The following CNTNAP5 variants were observed in gnomAD, a reference collection of about 807,000 sequenced individuals.
CNTNAP5 encodes contactin-associated protein-like 5.
CNTNAP5 carries 72 observed loss-of-function variants against 150.2 expected under a neutral mutation model. The ratio of observed to expected loss-of-function variants is 0.48; its 90% CI spans 0.40 to 0.58. CNTNAP5 has a LOEUF of 0.58. Ranked by LOEUF, CNTNAP5 falls within the 20% of genes least tolerant of loss-of-function variation. CNTNAP5 has a pLI of 0.00. For synonymous variants in CNTNAP5, 672 were observed against 619.8 expected (o/e 1.08, Z -1.25); for missense variants, 1,636 against 1,626.2 (o/e 1.01, Z -0.10).
In CNTNAP5 at chr2:124,920,587, A is replaced by G. The variant is rs1349945961; in HGVS notation, c.*6299A>G. ...AAGACCAAGAATTTTCTCTTTCTGA[A>G]TCTGGCAGTTGACAGGCCTCCTGAT... On this transcript the variant is annotated 3_prime_UTR_variant, in exon 24 of 24. Coordinates refer to ENST00000682447, the MANE Select transcript of CNTNAP5 (RefSeq NM_001367498.1). Among the ~76,000 whole-genome samples, 2 of 152,124 alleles carry G rather than the reference A, an allele frequency of 1.3e-5. No homozygotes were observed. The highest frequency in any genetic ancestry group is 4.8e-5 in the African/African-American group (2 of 41,458).
intron 13 of CNTNAP5, among the ~76,000 whole-genome samples, chr2:124,689,126 C>A (rs529108004): frequency 6.6e-6 from 1 of 152,070 alleles, no homozygotes; most frequent in Non-Finnish European, 1.5e-5. Context: ...ACTTTGCATG[C>A]CACCACGCCC....
chr2:124,434,517 C>A lies in CNTNAP5; in HGVS notation c.563C>A (p.Ser188Ter), dbSNP rs1251966994. 3 of 1,613,782 alleles carry A rather than the reference C, an allele frequency of 1.9e-6. No individual in the cohort carries two copies. The highest frequency in any genetic ancestry group is 2.5e-6 in the Non-Finnish European group (3 of 1,179,808). The change falls in exon 5 of 24, where the codon TCA (serine) becomes TAA (stop). Residue 188 changes from serine (S) to a stop codon, truncating the protein, a stop_gained. Coordinates refer to ENST00000682447, the MANE Select transcript of CNTNAP5 (RefSeq NM_001367498.1). LOFTEE classifies it high-confidence loss of function. ...SDVADFDGRS[S>*]LLYRFNQKLM... ...GTTGCTGACTTTGATGGCCGAAGCT[C>A]ACTTCTGTACAGGTTCAATCAGAAG... is the stretch of plus-strand genomic sequence containing the variant.
intron 18 of CNTNAP5, among the ~76,000 whole-genome samples, chr2:124,792,451 A>G (rs182175606): frequency 2.6e-4 from 39 of 152,288 alleles, no homozygotes; most frequent in African/African-American, 8.2e-4. Flanking sequence ...CTATACATGA[A>G]CATGGTAATA....
At chr2:124,434,834 A>G (rs1573993137) in intron 5 of CNTNAP5, 147 bp downstream of exon 5, 8 of 672,276 alleles carry the variant, frequency 1.2e-5, no homozygotes, top group South Asian at 7.8e-5. Context: ...TGTTTAAGGC[A>G]TGTATAGCAT....
chr2:124,364,316 A>T (rs1430265), intron 3 of CNTNAP5, among the ~76,000 whole-genome samples: 91,445 of 151,798 alleles, frequency 0.6, 28,225 homozygotes, highest in African/African-American at 0.73. Context: ...CCCCCCTTTT[A>T]TTTCCAGACC....
At chr2:124,419,147 A>AAAAAAAAAAAAAAAAAT in intron 4 of CNTNAP5, among the ~76,000 whole-genome samples, 1 of 135,754 alleles carries the variant, frequency 7.4e-6, no homozygotes, top group Non-Finnish European at 1.5e-5. Context: ...TCTCAAAAAA[A>AAAAAAAAAAAAAAAAAT]AAAAAAAAAA....
chr2:124,885,849 TA>T (rs1172752737), intron 21 of CNTNAP5, among the ~76,000 whole-genome samples: 1 of 152,094 alleles, frequency 6.6e-6, no homozygotes, highest in Non-Finnish European at 1.5e-5. Flanking sequence ...GGGTGTTTTT[TA>T]AAAAATCTAT....
intron 3 of CNTNAP5, among the ~76,000 whole-genome samples, chr2:124,360,634 G>T (rs62171027): frequency 0.39 from 50,540 of 128,712 alleles, 11,420 homozygotes; most frequent in Middle Eastern, 0.46. Context: ...TTGAATATTG[G>T]CCCCCTCTCT....
chr2:124,352,846 A>AT (rs1205330265), intron 3 of CNTNAP5, among the ~76,000 whole-genome samples: 1 of 152,178 alleles, frequency 6.6e-6, no homozygotes, highest in African/African-American at 2.4e-5. Flanking sequence ...AAATCCATGA[A>AT]TTGACCCCTT....
chr2:124,503,505 G>A (rs976484775), intron 7 of CNTNAP5, among the ~76,000 whole-genome samples: 4 of 152,046 alleles, frequency 2.6e-5, no homozygotes, highest in African/African-American at 4.8e-5. Flanking sequence ...TTTTGGGTTC[G>A]ATGCACACTT....
chr2:124,043,760 T>A (rs1387084282), intron 1 of CNTNAP5, among the ~76,000 whole-genome samples: 1 of 152,182 alleles, frequency 6.6e-6, no homozygotes, highest in African/African-American at 2.4e-5. Flanking sequence ...AAGTCTAAAA[T>A]GAAAGTACCA....
chr2:124,473,829 T>C (rs1218752821), intron 6 of CNTNAP5, among the ~76,000 whole-genome samples: 1 of 152,054 alleles, frequency 6.6e-6, no homozygotes, highest in Non-Finnish European at 1.5e-5. Flanking sequence ...GCCTTGCTTT[T>C]AAAATAATAT....
intron 1 of CNTNAP5, among the ~76,000 whole-genome samples, chr2:124,214,054 CAG>C (rs1320008268): frequency 2.0e-5 from 3 of 152,126 alleles, no homozygotes; most frequent in Admixed American, 2.0e-4. Context: ...TTAGATATTG[CAG>C]AGACTCTGAA....
rs200129722 is a variant in CNTNAP5 at position 124,227,640 on chromosome 2, A to ATGTGTGTGTGTGTGTGTG, written c.187+5853_187+5870dup. 1.5e-4 allele frequency among the ~76,000 whole-genome samples: 21 copies of ATGTGTGTGTGTGTGTGTG among 143,416 alleles called. No homozygotes were observed. The South Asian group carries it at 4.3e-3, about 29-fold the overall frequency. The allele number at this position is 143,416 out of a possible 152,430, so 94.1% of individuals were successfully genotyped here. ...AATATAAACTCAGCACATCGTGTGT[A>ATGTGTGTGTGTGTGTGTG]TGTGTGTGTGTGTGTGTGTGTGTGT... On this transcript the variant is annotated intron_variant, in intron 2 of 23. Coordinates refer to ENST00000682447, the MANE Select transcript of CNTNAP5 (RefSeq NM_001367498.1).
chr2:124,055,429 T>C (rs959646775), intron 1 of CNTNAP5, among the ~76,000 whole-genome samples: 2 of 152,146 alleles, frequency 1.3e-5, no homozygotes, highest in Non-Finnish European at 2.9e-5. Context: ...GGTTACTCCT[T>C]CTTCTTGGAT....
At chr2:124,730,895 G>T (rs1403079753) in intron 13 of CNTNAP5, among the ~76,000 whole-genome samples, 2 of 152,098 alleles carry the variant, frequency 1.3e-5, no homozygotes, top group Non-Finnish European at 2.9e-5. Flanking sequence ...CTGTGAAATA[G>T]GAGATACAGG....
intron 1 of CNTNAP5, among the ~76,000 whole-genome samples, chr2:124,139,975 G>A (rs1008250163): frequency 1.3e-5 from 2 of 152,294 alleles, no homozygotes; most frequent in South Asian, 2.1e-4. Flanking sequence ...TGCCTCACTC[G>A]GGAAGCGCAA....
At chr2:124,145,879 A>C (rs991867352) in intron 1 of CNTNAP5, among the ~76,000 whole-genome samples, 1 of 150,108 alleles carries the variant, frequency 6.7e-6, no homozygotes, top group African/African-American at 2.4e-5. Context: ...GGAGCTTTGA[A>C]GTTCATGGGA....
chr2:124,489,435 A>C (rs1204382288), intron 7 of CNTNAP5, among the ~76,000 whole-genome samples: 1 of 152,166 alleles, frequency 6.6e-6, no homozygotes, highest in Non-Finnish European at 1.5e-5. Context: ...GTTAGATTAG[A>C]GTCTATCCTA....
Sources: gnomAD v4.1 joint callset for allele counts (sites outside exome capture counted in the v4.1 genomes callset) on GRCh38, gnomAD v4.1.1 for gene constraint, MANE v1.5 for transcripts, NCBI Gene and HGNC (gene_info 2026-07-23, HGNC 2026-07-21) for gene names.